CACNA1I: variants seen among roughly 807,000 people sequenced by gnomAD.
CACNA1I encodes the protein calcium voltage-gated channel subunit alpha1 I.
In CACNA1I, 74 loss-of-function variants were observed where a neutral mutation model predicts 201.6. The observed-to-expected ratio is 0.37, with a 90% CI of 0.30 to 0.45. The LOEUF is 0.45. CACNA1I is among the 20% of genes least tolerant of loss of function. The pLI, the probability that CACNA1I is intolerant of heterozygous loss-of-function variation, is 1.00. For synonymous variants in CACNA1I, 1,431 were observed against 1,345.2 expected (o/e 1.06, Z -1.40); for missense variants, 2,346 against 3,138.1 (o/e 0.75, Z 6.03).
At chr22:39,672,673 C>T (rs1050698272) in intron 27 of CACNA1I, among the ~76,000 whole-genome samples, 1 of 152,150 alleles carries the variant, frequency 6.6e-6, no homozygotes, top group East Asian at 1.9e-4. Context: ...CAAGATTAGA[C>T]TTGGAAGTCA....
At chr22:39,639,852 G>A (rs1483311121) in intron 5 of CACNA1I, among the ~76,000 whole-genome samples, 1 of 152,174 alleles carries the variant, frequency 6.6e-6, no homozygotes, top group Non-Finnish European at 1.5e-5. Flanking sequence ...GTGCTACACT[G>A]TATTAACAAT....
chr22:39,579,718 C>T (rs537174799), intron 1 of CACNA1I, among the ~76,000 whole-genome samples: 1 of 151,746 alleles, frequency 6.6e-6, no homozygotes. Context: ...GCGATCTCTG[C>T]TCACTGCAAC....
chr22:39,601,173 T>C (rs1933018866), intron 3 of CACNA1I, among the ~76,000 whole-genome samples: 1 of 152,164 alleles, frequency 6.6e-6, no homozygotes, highest in African/African-American at 2.4e-5. Flanking sequence ...TTGTGCCTGC[T>C]TTCCTGGGTC....
intron 1 of CACNA1I, among the ~76,000 whole-genome samples, chr22:39,595,792 A>G (rs73885279): frequency 0.02 from 3,054 of 152,122 alleles, 77 homozygotes; most frequent in African/African-American, 0.069. Flanking sequence ...ATGAGGGACA[A>G]CTGTATTTAT....
At position 39,684,189 on chromosome 22, in the gene CACNA1I, T is replaced by C. The variant is rs2146485442; in HGVS notation, c.5831-113T>C. 3 of 799,300 alleles carry C rather than the reference T, an allele frequency of 3.8e-6. No homozygotes were observed. Among genetic ancestry groups the C allele is most frequent in the Non-Finnish European group, 6.2e-6 (3 of 485,470 alleles). The allele number at this position is 799,300 out of a possible 1,614,324, so 49.5% of individuals were successfully genotyped here. The stretch of plus-strand genomic sequence containing the variant: ...TGTCCACAGTCTCACAGTCAGTTTA[T>C]TAGGTGGCCCCTCACTGCTGGCCCA... On this transcript the variant is annotated intron_variant, in intron 35 of 36. Transcript: ENST00000402142. The surrounding 1 kb of genome is among the most constrained non-coding windows in gnomAD (Gnocchi z 4.6).
intron 4 of CACNA1I, among the ~76,000 whole-genome samples, chr22:39,622,055 C>A (rs775365056): frequency 2.0e-5 from 3 of 152,190 alleles, no homozygotes; most frequent in African/African-American, 7.2e-5. Flanking sequence ...AAGGACCAAG[C>A]CAAACCAGCA....
At position 39,595,015 on chromosome 22, in the gene CACNA1I, C is replaced by T. The variant is rs937686912; in HGVS notation, c.237-3136C>T. On this transcript the variant is annotated intron_variant, in intron 1 of 36. Coordinates refer to ENST00000402142, the MANE Select transcript of CACNA1I (RefSeq NM_021096.4). ...AATAAAATAGAACAATCACGCCAGG[C>T]GCGGTGGCTCATGCCTATAATCCCA... 5.3e-5 allele frequency among the ~76,000 whole-genome samples: 8 copies of T among 152,174 alleles called. No individual in the cohort carries two copies. The South Asian group carries it at 1.0e-3, about 20-fold the overall frequency.
intron 11 of CACNA1I, 104 bp downstream of exon 11, chr22:39,658,407 G>T: frequency 4.7e-6 from 5 of 1,067,418 alleles, no homozygotes; most frequent in Non-Finnish European, 6.9e-6. Flanking sequence ...GTGGAAACCC[G>T]TTGCACTGAA....
intron 3 of CACNA1I, among the ~76,000 whole-genome samples, chr22:39,609,007 G>T (rs1455598872): frequency 6.6e-6 from 1 of 152,210 alleles, no homozygotes; most frequent in Non-Finnish European, 1.5e-5. Context: ...TGCTGAGGTT[G>T]CTGGCTGAGA....
chr22:39,662,052 A>G lies in CACNA1I; in HGVS notation c.2989A>G (p.Lys997Glu), dbSNP rs1935029627. Residue 997 changes from lysine to glutamate, a missense_variant, in exon 17 of 37, where the codon AAG becomes GAG. Transcript: ENST00000402142. ...CTCCAGCTGGAACAGCCTCAAGCACAAGCCGCCGTCGGCGGAGCATGAGTC... is the reference window on the plus strand; with the variant it reads ...CTCCAGCTGGAACAGCCTCAAGCACGAGCCGCCGTCGGCGGAGCATGAGTC... ...RRSSWNSLKHKPPSAEHESLL... is the reference protein window; with the variant it reads ...RRSSWNSLKHEPPSAEHESLL... The G allele has an allele frequency of 1.3e-6, 2 of 1,560,944 alleles. No homozygotes were observed. Among genetic ancestry groups the G allele is most frequent in the African/African-American group, 1.4e-5 (1 of 72,418 alleles).
intron 1 of CACNA1I, among the ~76,000 whole-genome samples, chr22:39,578,085 C>T (rs1042537687): frequency 6.6e-6 from 1 of 151,808 alleles, no homozygotes; most frequent in Non-Finnish European, 1.5e-5. Context: ...ACGCCTAGGG[C>T]TTGGCCAGGG....
chr22:39,685,900 G>A lies in CACNA1I; in HGVS notation c.6167G>A (p.Arg2056Gln), dbSNP rs1935848956. ...LGPPAPAPGPRAGLSPAARRR... is the reference protein window; with the variant it reads ...LGPPAPAPGPQAGLSPAARRR... Reference sequence around the variant, plus strand: ...CCGCCCGCGCCTGCTCCAGGACCCCGGGCCGGCCTGTCCCCCGCCGCTCGC... The same window carrying A: ...CCGCCCGCGCCTGCTCCAGGACCCCAGGCCGGCCTGTCCCCCGCCGCTCGC... The change falls in exon 37 of 37, where the codon CGG becomes CAG. Residue 2056 changes from arginine to glutamine, a missense_variant. By Grantham distance (43) the Arg-to-Gln change is conservative (BLOSUM62 1). Around this residue, in one of 13 missense-constraint regions of CACNA1I, gnomAD observed 441 missense variants for 555.6 expected, o/e 0.79. Transcript: ENST00000402142. This position sits in a 1 kb window ranked among gnomAD's most constrained non-coding sequence, Gnocchi z 5.0. 1.4e-6 allele frequency: 2 copies of A among 1,402,232 alleles called. No individual in the cohort carries two copies. Among genetic ancestry groups the A allele is most frequent in the Non-Finnish European group, 1.8e-6 (2 of 1,085,352 alleles). The allele number at this position is 1,402,232 out of a possible 1,614,324, so 86.9% of individuals were successfully genotyped here.
Position 39,649,867 on chromosome 22 carries a change from G to A in CACNA1I, c.1934G>A (p.Gly645Asp). 2 of 1,613,624 alleles carry A rather than the reference G, an allele frequency of 1.2e-6. No individual in the cohort carries two copies. Among genetic ancestry groups the A allele is most frequent in the Middle Eastern group, 3.3e-4 (2 of 6,062 alleles). The change falls in exon 10 of 37, where the codon GGC (glycine) becomes GAC (aspartate). Residue 645 changes from glycine to aspartate, a missense_variant. By Grantham distance (94) the Gly-to-Asp change is moderately conservative (BLOSUM62 -1). Around this residue, in one of 13 missense-constraint regions of CACNA1I, gnomAD observed 312 missense variants for 331.5 expected, o/e 0.94. Coordinates refer to ENST00000402142, the MANE Select transcript of CACNA1I (RefSeq NM_021096.4). The surrounding 1 kb of genome is among the most constrained non-coding windows in gnomAD (Gnocchi z 7.3). ...GTGGACAGCAAGTACTTCAACCGGG[G>A]CATCATGATGGCCATCCTGGTCAAC... ...GIVDSKYFNR[G>D]IMMAILVNTV... is the part of the protein sequence containing the mutation.
At chr22:39,644,091 C>T (rs1202192771) in intron 7 of CACNA1I, among the ~76,000 whole-genome samples, 1 of 152,152 alleles carries the variant, frequency 6.6e-6, no homozygotes, top group African/African-American at 2.4e-5. Flanking sequence ...CAGAATTGAG[C>T]CTTAAAGACT....
rs80100681 is a variant in CACNA1I at position 39,677,752 on chromosome 22, C to T, written c.4934-235C>T. Reference sequence around the variant, plus strand: ...AGGGGCTGGCCCTCACCCCATTTCACCCTCTTTCTCAGAAACCCATTCTTC... The same window carrying T: ...AGGGGCTGGCCCTCACCCCATTTCATCCTCTTTCTCAGAAACCCATTCTTC... On this transcript the variant is annotated intron_variant, in intron 30 of 36. Transcript: ENST00000402142. This position sits in a 1 kb window ranked among gnomAD's most constrained non-coding sequence, Gnocchi z 4.8. Among the ~76,000 whole-genome samples the T allele has an allele frequency of 6.6e-6, 1 of 152,224 alleles. No homozygotes were observed. Among genetic ancestry groups the T allele is most frequent in the African/African-American group, 2.4e-5 (1 of 41,468 alleles).
At chr22:39,607,451 C>T (rs751212385) in intron 3 of CACNA1I, among the ~76,000 whole-genome samples, 2 of 152,198 alleles carry the variant, frequency 1.3e-5, no homozygotes, top group African/African-American at 4.8e-5. Context: ...TGTAACCAAA[C>T]GCCCAGGTGG....
chr22:39,668,256 C>A, intron 23 of CACNA1I, 36 bp from the exon 24 acceptor site: 1 of 1,330,206 alleles, frequency 7.5e-7, no homozygotes, highest in African/African-American at 1.4e-5. Context: ...CACTCACAGT[C>A]CTCACCCCTG....
intron 1 of CACNA1I, among the ~76,000 whole-genome samples, chr22:39,586,177 A>G (rs545542282): frequency 2.4e-4 from 36 of 148,838 alleles, no homozygotes; most frequent in Middle Eastern, 3.5e-3. Flanking sequence ...ACTCCATCTC[A>G]AAAAAAAATA....
chr22:39,627,996 G>C (rs1019861164), intron 4 of CACNA1I, among the ~76,000 whole-genome samples: 6 of 152,172 alleles, frequency 3.9e-5, no homozygotes, highest in Non-Finnish European at 8.8e-5. Flanking sequence ...CGCTGGATTT[G>C]GGAACAGGAA....
Sources: allele counts gnomAD v4.1 joint callset (sites outside exome capture counted in the v4.1 genomes callset), GRCh38; gene constraint gnomAD v4.1.1; regional missense constraint gnomAD v4.1.1; non-coding constraint Gnocchi (gnomAD v3.1); transcripts MANE v1.5; gene names NCBI Gene and HGNC (gene_info 2026-07-23, HGNC 2026-07-21).